Variants in SCART1 observed in about 807,000 individuals in gnomAD.
SCART1 encodes the protein scavenger receptor family member expressed on T cells 1, also known as scavenger receptor cysteine-rich domain-containing protein SCART1.
A neutral mutation model predicts 36.2 loss-of-function variants in SCART1; 62 were observed. The observed-to-expected ratio is 1.71, with a 90% CI of 1.40 to 2.12. The LOEUF (loss-of-function observed/expected upper bound fraction) is 2.12. Ranked by LOEUF, SCART1 falls within the 30% of genes most tolerant of loss-of-function variation. The pLI, the probability that SCART1 is intolerant of heterozygous loss-of-function variation, is 0.00. For missense variants in SCART1, 1,041 were observed against 540.5 expected, an observed-to-expected ratio of 1.93 and a Z score of -9.18; for synonymous variants, 487 against 238.7, an observed-to-expected ratio of 2.04 and a Z score of -9.59.
chr10:133,469,147 T>C (rs1040624653), exon 12 of SCART1: 5 of 152,224 alleles, frequency 3.3e-5, no homozygotes, highest in African/African-American at 9.6e-5. Flanking sequence ...TGAACTTTTT[T>C]TCATATGTTT....
chr10:133,458,198 G>A (rs569501498), intron 3 of SCART1, 162 bp from the exon 4 acceptor site: 12 of 700,460 alleles, frequency 1.7e-5, no homozygotes, highest in South Asian at 1.6e-4. Flanking sequence ...TGGGTGCCGG[G>A]TGGAAGGGCC....
At chr10:133,460,281 G>C in intron 6 of SCART1, 111 bp downstream of exon 6, 1 of 399,482 alleles carries the variant, frequency 2.5e-6, no homozygotes, top group East Asian at 3.6e-5. Context: ...TTCCCTGAAT[G>C]CAGAACTTCC....
intron 2 of SCART1, among the ~76,000 whole-genome samples, chr10:133,456,763 C>G (rs530071798): frequency 1.4e-4 from 22 of 152,222 alleles, no homozygotes; most frequent in Admixed American, 1.1e-3. Flanking sequence ...GTGGAAAAAC[C>G]AACGCCAGGG....
At chr10:133,457,074 C>T (rs547014446) in intron 2 of SCART1, 5 of 581,432 alleles carry the variant, frequency 8.6e-6, no homozygotes, top group Non-Finnish European at 1.5e-5. Context: ...CTGCGGGGAA[C>T]CTTGTTTCAG....
intron 6 of SCART1, among the ~76,000 whole-genome samples, chr10:133,460,496 A>ATTTTTT (rs1554896744): frequency 7.4e-6 from 1 of 136,006 alleles, no homozygotes; most frequent in South Asian, 2.7e-4. Flanking sequence ...ATATTTATAT[A>ATTTTTT]TTTTAAAAAA....
At chr10:133,459,752 G>A (rs201978565) in exon 6 of SCART1, 3 of 695,220 alleles carry the variant, frequency 4.3e-6, no homozygotes, top group East Asian at 2.7e-5. Context: ...ACGTGTCCGC[G>A]ACCCTGCAGG....
At chr10:133,461,628 T>G (rs1850702858) in intron 6 of SCART1, among the ~76,000 whole-genome samples, 1 of 152,186 alleles carries the variant, frequency 6.6e-6, no homozygotes, top group South Asian at 2.1e-4. Flanking sequence ...ATTCTGCTCT[T>G]CAGTCCTTTG....
Position 133,459,489 on chromosome 10 carries a change from CT to C in SCART1, c.1289del (p.Leu430ArgfsTer7). On this transcript the variant is annotated frameshift_variant, in exon 6 of 12. Transcript: ENST00000640237. LOFTEE classifies it high-confidence loss of function. The stretch of plus-strand genomic sequence containing the variant: ...CCCCTGTGCGTCCCCATCCCCAGGT[CT>C]GGCCCACGCCCTGCGACTGAGGGAA... The C allele has an allele frequency of 1.6e-6, 1 of 639,380 alleles. No individual in the cohort carries two copies. The highest frequency in any genetic ancestry group is 2.8e-6 in the Non-Finnish European group (1 of 356,048). 39.6% of individuals were successfully genotyped at this position (639,380 alleles called of 1,614,324 possible).
At chr10:133,463,050 G>A (rs1364201356) in intron 6 of SCART1, among the ~76,000 whole-genome samples, 1 of 152,124 alleles carries the variant, frequency 6.6e-6, no homozygotes. Flanking sequence ...TTTTAAAAGC[G>A]TTATTACAGT....
chr10:133,467,471 C>G (rs1850775296), intron 11 of SCART1, 118 bp downstream of exon 11: 1 of 609,470 alleles, frequency 1.6e-6, no homozygotes, highest in East Asian at 2.8e-5. Context: ...CTGCTGACCA[C>G]AGGGCTCATG....
exon 6 of SCART1, chr10:133,459,560 C>T (rs763785830): frequency 7.3e-6 from 5 of 680,596 alleles, no homozygotes; most frequent in Admixed American, 2.1e-5. Context: ...CCCTGGATGG[C>T]GTGTGGGGCC....
exon 4 of SCART1, chr10:133,458,493 G>T (rs1474051555): frequency 2.9e-6 from 2 of 686,802 alleles, no homozygotes; most frequent in African/African-American, 3.5e-5. Flanking sequence ...TGCAGTGTGG[G>T]GCGGTCGTGT....
At position 133,462,025 on chromosome 10, in the gene SCART1, C is replaced by A. The variant is rs574774570; in HGVS notation, c.1969+1855C>A. The stretch of plus-strand genomic sequence containing the variant: ...CAGCCAGTTCAATTCCTGGGGCTGC[C>A]TCTTTTTCACCTGGGTCTCAGCTAT... On this transcript the variant is annotated intron_variant, in intron 6 of 11. Coordinates refer to ENST00000640237, the Ensembl canonical transcript of SCART1. 2.2e-3 allele frequency among the ~76,000 whole-genome samples: 328 copies of A among 152,370 alleles called. 1 individual carries two copies. The highest frequency in any genetic ancestry group is 3.8e-3 in the Non-Finnish European group (257 of 68,042).
intron 6 of SCART1, among the ~76,000 whole-genome samples, chr10:133,463,448 C>T (rs142522903): frequency 2.2e-4 from 34 of 151,754 alleles, no homozygotes; most frequent in African/African-American, 8.2e-4. Flanking sequence ...CTACATCTCC[C>T]CATTCCCCCA....
chr10:133,466,472 G>A (rs1850767386), intron 10 of SCART1, 91 bp downstream of exon 10: 13 of 647,470 alleles, frequency 2.0e-5, no homozygotes, highest in Non-Finnish European at 2.8e-5. Flanking sequence ...CTGGGCAGGC[G>A]GGGTGCCCCA....
intron 3 of SCART1, 135 bp downstream of exon 3, chr10:133,457,710 G>A (rs1850637420): frequency 5.2e-6 from 3 of 572,456 alleles, no homozygotes; most frequent in Non-Finnish European, 9.2e-6. Context: ...GGGCGCAGAG[G>A]TGGGAAAGGG....
intron 11 of SCART1, 22 bp from the exon 12 acceptor site, chr10:133,467,825 C>A: frequency 1.5e-6 from 1 of 657,380 alleles, no homozygotes; most frequent in Non-Finnish European, 2.8e-6. Context: ...CTGATTTGGT[C>A]ACGCGGTGTC....
intron 3 of SCART1, 154 bp from the exon 4 acceptor site, chr10:133,458,206 G>A: frequency 1.4e-6 from 1 of 700,604 alleles, no homozygotes; most frequent in Non-Finnish European, 2.6e-6. Context: ...GGGTGGAAGG[G>A]CCTGTGGCTG....
At chr10:133,466,631 T>C (rs1414664633) in intron 10 of SCART1, among the ~76,000 whole-genome samples, 1 of 152,240 alleles carries the variant, frequency 6.6e-6, no homozygotes, top group Non-Finnish European at 1.5e-5. Context: ...GGCCTCTAGC[T>C]GAGACGGTGG....
Sources: gnomAD v4.1 joint callset for allele counts (sites outside exome capture counted in the v4.1 genomes callset) on GRCh38, gnomAD v4.1.1 for gene constraint, MANE v1.5 for transcripts, NCBI Gene and HGNC (gene_info 2026-07-23, HGNC 2026-07-21) for gene names.